Variants in ARK2C observed in about 807,000 individuals in gnomAD.
ARK2C encodes E3 ubiquitin-protein ligase ARK2C.
the ARK2C span, among the ~76,000 whole-genome samples, chr18:46,445,423 G>A: frequency 1.3e-5 from 2 of 152,070 alleles, no homozygotes; most frequent in African/African-American, 4.8e-5. Flanking sequence ...CTAATCTCTG[G>A]GAACCCACTA....
the ARK2C span, among the ~76,000 whole-genome samples, chr18:46,432,438 C>T: frequency 6.6e-6 from 1 of 151,962 alleles, no homozygotes; most frequent in African/African-American, 2.4e-5. Context: ...GTTTTATTCT[C>T]TGGGAATTAG....
At chr18:46,334,715 T>A in the ARK2C span, 10,459 of 123,580 alleles carry the variant, frequency 0.085, 821 homozygotes, top group African/African-American at 0.27. The surrounding 1 kb of genome is among the most constrained non-coding windows in gnomAD (Gnocchi z 4.4). Context: ...TGTGTGTGTG[T>A]GAGAGAGAGA....
chr18:46,446,744 T>C, the ARK2C span, among the ~76,000 whole-genome samples: 2 of 151,558 alleles, frequency 1.3e-5, no homozygotes, highest in Admixed American at 6.6e-5. Context: ...TCCAGCATTC[T>C]TTGAAGGGGA....
chr18:46,414,774 G>T, the ARK2C span, among the ~76,000 whole-genome samples: 25 of 152,320 alleles, frequency 1.6e-4, 1 homozygote, highest in African/African-American at 5.8e-4. Flanking sequence ...TTGCCCCAGT[G>T]CGGAGGGCAG....
the ARK2C span, chr18:46,447,761 C>G: frequency 6.3e-7 from 1 of 1,591,378 alleles, no homozygotes; most frequent in Non-Finnish European, 8.6e-7. Context: ...CTGCGGTCCC[C>G]TGTGCCCTGG....
At chr18:46,383,551 T>G in the ARK2C span, among the ~76,000 whole-genome samples, 1 of 46,548 alleles carries the variant, frequency 2.1e-5, no homozygotes, top group South Asian at 5.7e-4. Context: ...GTTTTCTCTG[T>G]TTTTTTTTTT....
At chr18:46,460,031 C>G in the ARK2C span, 1 of 152,670 alleles carries the variant, frequency 6.6e-6, no homozygotes, top group Non-Finnish European at 1.5e-5. Flanking sequence ...TGAGCAGGGG[C>G]TGCCCCTCCA....
the ARK2C span, among the ~76,000 whole-genome samples, chr18:46,360,517 T>C: frequency 2.0e-5 from 3 of 152,378 alleles, no homozygotes; most frequent in African/African-American, 7.2e-5. Context: ...AGGTTGCTTG[T>C]GTCCTTTTCT....
chr18:46,389,365 C>G, the ARK2C span, among the ~76,000 whole-genome samples: 1 of 152,198 alleles, frequency 6.6e-6, no homozygotes, highest in South Asian at 2.1e-4. Flanking sequence ...AAGTTCTAAA[C>G]ACACTGGATA....
chr18:46,358,808 C>T, the ARK2C span, among the ~76,000 whole-genome samples: 1 of 152,208 alleles, frequency 6.6e-6, no homozygotes, highest in African/African-American at 2.4e-5. Flanking sequence ...TGACACACGC[C>T]TTGGTCATCA....
the ARK2C span, chr18:46,457,077 A>G: frequency 6.2e-6 from 1 of 160,908 alleles, no homozygotes; most frequent in Non-Finnish European, 1.4e-5. Flanking sequence ...AGCTTAAGAA[A>G]AATGTTGTGT....
At chr18:46,334,607 C>T in the ARK2C span, 3 of 485,334 alleles carry the variant, frequency 6.2e-6, no homozygotes, top group East Asian at 7.1e-5. This position sits in a 1 kb window ranked among gnomAD's most constrained non-coding sequence, Gnocchi z 4.4. Context: ...CGTGGTTCCC[C>T]CAAATCACAG....
the ARK2C span, among the ~76,000 whole-genome samples, chr18:46,408,564 G>A: frequency 6.6e-6 from 1 of 152,246 alleles, no homozygotes; most frequent in African/African-American, 2.4e-5. Context: ...TCAGCCTGCT[G>A]CGGGGAGGAA....
chr18:46,434,131 G>T, the ARK2C span, among the ~76,000 whole-genome samples: 1 of 152,136 alleles, frequency 6.6e-6, no homozygotes, highest in Non-Finnish European at 1.5e-5. Context: ...GGGGCCCTGG[G>T]TAAGTCACTG....
chr18:46,367,798 G>T, the ARK2C span, among the ~76,000 whole-genome samples: 1 of 152,236 alleles, frequency 6.6e-6, no homozygotes, highest in Non-Finnish European at 1.5e-5. Context: ...AAGCCTTCTT[G>T]AGTGTCAGAA....
At chr18:46,377,676 G>A in the ARK2C span, among the ~76,000 whole-genome samples, 1 of 152,180 alleles carries the variant, frequency 6.6e-6, no homozygotes. Context: ...AGAGGAGGGT[G>A]TCATTAATTT....
chr18:46,417,987 G>C, the ARK2C span, among the ~76,000 whole-genome samples: 1 of 150,044 alleles, frequency 6.7e-6, no homozygotes, highest in Non-Finnish European at 1.5e-5. Context: ...CTGAGCAACA[G>C]AGCAAGACTC....
At chr18:46,417,520 C>T in the ARK2C span, among the ~76,000 whole-genome samples, 3 of 152,266 alleles carry the variant, frequency 2.0e-5, no homozygotes, top group East Asian at 3.8e-4. Context: ...GTTCAGTCCT[C>T]ACCTTCTTCA....
At chr18:46,403,393 C>G in the ARK2C span, among the ~76,000 whole-genome samples, 1 of 152,186 alleles carries the variant, frequency 6.6e-6, no homozygotes, top group Admixed American at 6.5e-5. Context: ...CTCCCTGCCC[C>G]CCGTCTCCCT....
Sources: gnomAD v4.1 joint callset for allele counts (sites outside exome capture counted in the v4.1 genomes callset) on GRCh38, gnomAD v4.1.1 for gene constraint, Gnocchi (gnomAD v3.1) non-coding constraint, MANE v1.5 for transcripts, NCBI Gene and HGNC (gene_info 2026-07-23, HGNC 2026-07-21) for gene names.